Variants in NTN4 observed in about 807,000 individuals in gnomAD.
The protein encoded by NTN4 is netrin-4.
Under a neutral mutation model 73.6 loss-of-function variants are expected in NTN4, and 32 were observed. That is an observed-to-expected ratio of 0.44 (90% CI 0.33 to 0.58). The LOEUF (loss-of-function observed/expected upper bound fraction) is 0.58. Among genes scored for constraint, NTN4 ranks in the 20% least tolerant of loss-of-function variants. NTN4 has a pLI of 0.04. For missense variants in NTN4, 654 were observed against 798.3 expected (o/e 0.82, Z 2.18); for synonymous variants, 258 against 287.5 (o/e 0.90, Z 1.04).
chr12:95,783,190 C>A (rs2079145042), intron 2 of NTN4, among the ~76,000 whole-genome samples: 1 of 152,222 alleles, frequency 6.6e-6, no homozygotes, highest in South Asian at 2.1e-4. Flanking sequence ...TAAACCTCCA[C>A]CCCAGCATTT....
At chr12:95,699,336 G>A (rs891491115) in intron 5 of NTN4, among the ~76,000 whole-genome samples, 1 of 152,188 alleles carries the variant, frequency 6.6e-6, no homozygotes, top group Non-Finnish European at 1.5e-5. Context: ...AGGTGCTTAT[G>A]TTTTCTTACA....
intron 2 of NTN4, among the ~76,000 whole-genome samples, chr12:95,769,400 T>A (rs2079040720): frequency 6.6e-6 from 1 of 152,110 alleles, no homozygotes; most frequent in Non-Finnish European, 1.5e-5. Flanking sequence ...TACTGGGACA[T>A]AAGTTGGAGT....
intron 2 of NTN4, among the ~76,000 whole-genome samples, chr12:95,783,257 A>G (rs2079145479): frequency 6.6e-6 from 1 of 152,218 alleles, no homozygotes; most frequent in Non-Finnish European, 1.5e-5. Context: ...GAATTCTGCA[A>G]AAAGAGGGTT....
intron 2 of NTN4, among the ~76,000 whole-genome samples, chr12:95,767,109 C>T (rs1388670488): frequency 6.6e-6 from 1 of 152,144 alleles, no homozygotes; most frequent in African/African-American, 2.4e-5. Flanking sequence ...CCAAACTGCT[C>T]CCCGTGGAGC....
chr12:95,718,261 G>A (rs1181682092), intron 3 of NTN4, among the ~76,000 whole-genome samples: 2 of 152,132 alleles, frequency 1.3e-5, no homozygotes, highest in East Asian at 1.9e-4. Context: ...GAAGATACAC[G>A]GGACTTGCCT....
intron 2 of NTN4, among the ~76,000 whole-genome samples, chr12:95,775,326 C>T (rs1346678880): frequency 6.6e-6 from 1 of 152,132 alleles, no homozygotes; most frequent in Non-Finnish European, 1.5e-5. Context: ...GCTTGTTGGA[C>T]AGTGGGTGCA....
At chr12:95,694,208 A>G (rs1254849322) in intron 5 of NTN4, among the ~76,000 whole-genome samples, 1 of 152,088 alleles carries the variant, frequency 6.6e-6, no homozygotes, top group Non-Finnish European at 1.5e-5. Context: ...CTGGGAGAAA[A>G]ATACCCTAAA....
At chr12:95,721,932 GCACA>G (rs1289314475) in intron 3 of NTN4, among the ~76,000 whole-genome samples, 1 of 151,920 alleles carries the variant, frequency 6.6e-6, no homozygotes, top group Admixed American at 6.6e-5. Flanking sequence ...ACACGTGCGC[GCACA>G]CACACACTCA....
At chr12:95,750,372 T>G (rs2078897475) in intron 2 of NTN4, among the ~76,000 whole-genome samples, 1 of 152,042 alleles carries the variant, frequency 6.6e-6, no homozygotes, top group African/African-American at 2.4e-5. Flanking sequence ...CATTCCTCCT[T>G]CTACTCCCTT....
chr12:95,790,397 C>T lies in NTN4; in HGVS notation c.-88G>A. 1 of 1,128,248 alleles carries T rather than the reference C, an allele frequency of 8.9e-7. No individual in the cohort carries two copies. The highest frequency in any genetic ancestry group is 1.2e-6 in the Non-Finnish European group (1 of 821,060). The allele number at this position is 1,128,248 out of a possible 1,614,324, so 69.9% of individuals were successfully genotyped here. A position where few individuals can be genotyped will look rare whatever the true frequency, so the allele number is the denominator to read the frequency against. On this transcript the variant is annotated 5_prime_UTR_variant, in exon 1 of 10. Transcript: ENST00000343702. This position sits in a 1 kb window ranked among gnomAD's most constrained non-coding sequence, Gnocchi z 6.5. ...CTGCGGGATGAAGCGCCGCCGTCCT[C>T]GGGAGGGAACGGGGCCCTGGTTTCT...
At chr12:95,731,181 G>A (rs901750065) in intron 3 of NTN4, among the ~76,000 whole-genome samples, 2 of 152,194 alleles carry the variant, frequency 1.3e-5, no homozygotes, top group South Asian at 2.1e-4. Flanking sequence ...AGAGGACTTG[G>A]ATAGTTTACC....
rs893340302 is a variant in NTN4, at chr12:95,787,145, A to T, written c.379T>A (p.Phe127Ile). 8 of 1,614,072 alleles carry T rather than the reference A, an allele frequency of 5.0e-6. No homozygotes were observed. Among genetic ancestry groups the T allele is most frequent in the Non-Finnish European group, 6.8e-6 (8 of 1,180,040 alleles). ...TTGAACATCACAATTAGGTGAGTGA[A>T]GTAGAATTCAGCTTCCAGGTCTAAC... ...IQLDLEAEFY[F>I]THLIVMFKSP... Residue 127 changes from phenylalanine (F) to isoleucine (I), a missense_variant, in exon 2 of 10, where the codon TTC becomes ATC. Physicochemically the swap from Phe to Ile is conservative, Grantham distance 21. Transcript: ENST00000343702.
intron 5 of NTN4, among the ~76,000 whole-genome samples, chr12:95,691,774 T>C (rs1196608965): frequency 6.6e-6 from 1 of 152,118 alleles, no homozygotes; most frequent in Admixed American, 6.5e-5. Flanking sequence ...CGTTATAATT[T>C]TTAGTGTTCA....
rs1336465131 is a variant in NTN4, at chr12:95,781,162, G to A, written c.585+5777C>T. Among the ~76,000 whole-genome samples, 1 of 152,146 alleles carries A rather than the reference G, an allele frequency of 6.6e-6. No individual in the cohort carries two copies. The highest frequency in any genetic ancestry group is 1.5e-5 in the Non-Finnish European group (1 of 68,022). On this transcript the variant is annotated intron_variant, in intron 2 of 9. Transcript: ENST00000343702. The surrounding 1 kb of genome is among the most constrained non-coding windows in gnomAD (Gnocchi z 4.1). ...ACACCGGGGCCTGTTGTGGGGTTGG[G>A]GGAGCAGGGAGGGATAGCATTAAGA...
chr12:95,710,103 AC>A (rs1474877332), intron 5 of NTN4, among the ~76,000 whole-genome samples: 1 of 152,154 alleles, frequency 6.6e-6, no homozygotes, highest in Non-Finnish European at 1.5e-5. Context: ...TTTATTGTCT[AC>A]CTTCTACTCA....
intron 5 of NTN4, among the ~76,000 whole-genome samples, chr12:95,691,058 A>G (rs2078397827): frequency 6.6e-6 from 1 of 152,286 alleles, no homozygotes. Context: ...ATGCAGAACT[A>G]GCTCCAGGCC....
At chr12:95,671,559 C>T (rs2078230484) in intron 7 of NTN4, among the ~76,000 whole-genome samples, 1 of 152,118 alleles carries the variant, frequency 6.6e-6, no homozygotes, top group African/African-American at 2.4e-5. Flanking sequence ...CTAGGTTGTG[C>T]TCTCCTTATG....
At position 95,683,696 on chromosome 12, in the gene NTN4, G is replaced by A. The variant is rs766323122; in HGVS notation, c.1196C>T (p.Pro399Leu). Residue 399 changes from proline to leucine, a missense_variant, in exon 6 of 10, where the codon CCA becomes CTA. Transcript: ENST00000343702. ...GGCAGGAAGGACAGCTGATCCTACT[G>A]GATGGCAGGAACACGCTACAACAGA... ...PDACKPCSCHPVGSAVLPANS... is the reference protein window; with the variant it reads ...PDACKPCSCHLVGSAVLPANS... 6.2e-7 allele frequency: 1 copy of A among 1,608,166 alleles called. No homozygotes were observed. Among genetic ancestry groups the A allele is most frequent in the South Asian group, 1.1e-5 (1 of 90,080 alleles).
Sources: gnomAD v4.1 joint callset for allele counts (sites outside exome capture counted in the v4.1 genomes callset) on GRCh38, gnomAD v4.1.1 for gene constraint, Gnocchi (gnomAD v3.1) non-coding constraint, MANE v1.5 for transcripts, NCBI Gene and HGNC (gene_info 2026-07-23, HGNC 2026-07-21) for gene names.